The following ASXL1 variants were observed in gnomAD, a reference collection of about 807,000 sequenced individuals.
ASXL1 encodes the protein ASXL transcriptional regulator 1.
Under a neutral mutation model 89.1 loss-of-function variants are expected in ASXL1, and 65 were observed. The observed-to-expected ratio is 0.73, with a 90% CI of 0.60 to 0.90. The LOEUF (loss-of-function observed/expected upper bound fraction) is 0.90. ASXL1 is among the 40% of genes least tolerant of loss of function. ASXL1 has a pLI of 0.00. For missense variants in ASXL1, 1,786 were observed against 1,942.9 expected, an observed-to-expected ratio of 0.92 and a Z score of 1.52; for synonymous variants, 739 against 746.9, an observed-to-expected ratio of 0.99 and a Z score of 0.17.
intron 4 of ASXL1, among the ~76,000 whole-genome samples, chr20:32,396,914 C>T (rs1165717207): frequency 6.6e-6 from 1 of 151,680 alleles, no homozygotes; most frequent in Non-Finnish European, 1.5e-5. Flanking sequence ...CTTCCCTGGG[C>T]CACATTAGAA....
rs917047984 is a variant in ASXL1, at chr20:32,433,488, A to T, written c.1290A>T (p.Ser430=). The T allele has an allele frequency of 6.2e-7, 1 of 1,614,208 alleles. No homozygotes were observed. The highest frequency in any genetic ancestry group is 8.5e-7 in the Non-Finnish European group (1 of 1,180,048). The change falls in exon 12 of 13, where the codon TCA becomes TCT. Residue 430 remains serine (S), a synonymous_variant. Transcript: ENST00000375687. ...ARRNLYKKQE[S]EQAGVAKDAK... ...GGAATCTGTACAAAAAACAGGAGTC[A>T]GAACAAGCAGGGGTTGCTAAGGATG...
At chr20:32,377,120 AT>A (rs1432760121) in intron 4 of ASXL1, among the ~76,000 whole-genome samples, 6 of 105,468 alleles carry the variant, frequency 5.7e-5, no homozygotes, top group East Asian at 4.7e-4. Context: ...ATTAATAGAT[AT>A]ATTAATATAA....
At chr20:32,428,720 G>GCAT in intron 6 of ASXL1, 1 of 336,592 alleles carries the variant, frequency 3.0e-6, no homozygotes. Flanking sequence ...GAGTGCAGTG[G>GCAT]CATGATCTCC....
At chr20:32,359,482 G>C (rs945692733) in intron 1 of ASXL1, 9 of 668,692 alleles carry the variant, frequency 1.3e-5, no homozygotes, top group Non-Finnish European at 2.4e-5. Flanking sequence ...TCAGGGTCTG[G>C]GATAGAGCCT....
At chr20:32,408,258 C>T (rs1391896805) in intron 4 of ASXL1, among the ~76,000 whole-genome samples, 1 of 152,006 alleles carries the variant, frequency 6.6e-6, no homozygotes, top group African/African-American at 2.4e-5. Flanking sequence ...ATGTACGGTT[C>T]GAGGTAGTCA....
At position 32,417,112 on chromosome 20, in the gene ASXL1, G is replaced by A. The variant is rs78501101; in HGVS notation, c.253-11016G>A. Among the ~76,000 whole-genome samples the A allele has an allele frequency of 9.3e-3, 1,410 of 152,196 alleles. 59 individuals carry two copies. The highest frequency in any genetic ancestry group is 0.073 in the Admixed American group (1,114 of 15,282). On this transcript the variant is annotated intron_variant, in intron 4 of 12. Coordinates refer to ENST00000375687, the MANE Select transcript of ASXL1 (RefSeq NM_015338.6). ...TTGACAGGTCTAGGTTAGCTTATTT[G>A]TTTCACTTGGTCTTTGTCTACATTT...
At chr20:32,411,773 A>T (rs2049053151) in intron 4 of ASXL1, among the ~76,000 whole-genome samples, 2 of 152,030 alleles carry the variant, frequency 1.3e-5, no homozygotes, top group Admixed American at 1.3e-4. Flanking sequence ...CCTGACCTCA[A>T]GTTATCCACC....
intron 4 of ASXL1, among the ~76,000 whole-genome samples, chr20:32,394,541 G>A (rs2048729199): frequency 6.6e-6 from 1 of 152,166 alleles, no homozygotes; most frequent in Non-Finnish European, 1.5e-5. Flanking sequence ...TTCAGCTTGT[G>A]AAACTCAGTC....
Position 32,435,752 on chromosome 20 carries a change from A to C in ASXL1, c.3040A>C (p.Ser1014Arg), listed in dbSNP as rs1358222587. The change falls in exon 13 of 13, where the codon AGT (serine) becomes CGT (arginine). Residue 1014 changes from serine (S) to arginine (R), a missense_variant. By Grantham distance (110) the Ser-to-Arg change is moderately radical (BLOSUM62 -1). Coordinates refer to ENST00000375687, the MANE Select transcript of ASXL1 (RefSeq NM_015338.6). ...TGAAGGTCACCTCACGGAGGACAGC[A>C]GTGAGGCTGACACTAGAGAAGCTGC... ...DFEGHLTEDS[S>R]EADTREAAVT... is the part of the protein sequence containing the mutation. 1 of 1,614,132 alleles carries C rather than the reference A, an allele frequency of 6.2e-7. No individual in the cohort carries two copies. The highest frequency in any genetic ancestry group is 8.5e-7 in the Non-Finnish European group (1 of 1,180,056).
chr20:32,406,171 A>G (rs1353499277), intron 4 of ASXL1, among the ~76,000 whole-genome samples: 2 of 152,176 alleles, frequency 1.3e-5, no homozygotes, highest in Non-Finnish European at 2.9e-5. Flanking sequence ...GTTGAAAACT[A>G]TGAGCTTACC....
In ASXL1 at chr20:32,367,601, A is replaced by G. The variant is rs2048227578; in HGVS notation, c.141-126A>G. Reference sequence around the variant, plus strand: ...TGGGGAGGGAAGATTGAGATTGTCTACATCACATTTATTTGACTTGTACTT... The same window carrying G: ...TGGGGAGGGAAGATTGAGATTGTCTGCATCACATTTATTTGACTTGTACTT... On this transcript the variant is annotated intron_variant, in intron 2 of 12. Coordinates refer to ENST00000375687, the MANE Select transcript of ASXL1 (RefSeq NM_015338.6). 4 of 729,254 alleles carry G rather than the reference A, an allele frequency of 5.5e-6. No individual in the cohort carries two copies. In the Admixed American group the frequency reaches 5.7e-5, roughly 10 times the overall value. The allele number at this position is 729,254 out of a possible 1,614,324, so 45.2% of individuals were successfully genotyped here. A position where few individuals can be genotyped will look rare whatever the true frequency, so the allele number is the denominator to read the frequency against.
chr20:32,389,220 G>A (rs552747065), intron 4 of ASXL1, among the ~76,000 whole-genome samples: 1 of 152,238 alleles, frequency 6.6e-6, no homozygotes, highest in South Asian at 2.1e-4. Flanking sequence ...TCATACTGGT[G>A]GATGTATTTT....
At chr20:32,395,634 C>A (rs2048748853) in intron 4 of ASXL1, among the ~76,000 whole-genome samples, 1 of 152,096 alleles carries the variant, frequency 6.6e-6, no homozygotes, top group Non-Finnish European at 1.5e-5. Context: ...TATTTGGCTG[C>A]TTGAAGTAGT....
chr20:32,376,880 T>A lies in ASXL1; in HGVS notation c.252+7757T>A, dbSNP rs148458627. On this transcript the variant is annotated intron_variant, in intron 4 of 12. Coordinates refer to ENST00000375687, the MANE Select transcript of ASXL1 (RefSeq NM_015338.6). The stretch of plus-strand genomic sequence containing the variant: ...AATATATAATTATATGTTATATATT[T>A]TATATTTATAAAATAAAAATAAAAA... Among the ~76,000 whole-genome samples, 1,753 of 145,058 alleles carry A rather than the reference T, an allele frequency of 0.012. 94 individuals carry two copies. In the East Asian group the frequency reaches 0.17, roughly 14 times the overall value.
rs1317379326 is a variant in ASXL1 at position 32,437,173 on chromosome 20, A to T, written c.4461A>T (p.Ser1487=). Residue 1487 remains serine (S), a synonymous_variant, in exon 13 of 13, where the codon TCA becomes TCT. Transcript: ENST00000375687. ...KANFGASHSA[S]LSLQMFTDSS... ...ACTTTGGTGCGAGCCACAGTGCATC[A>T]CTTTCCTTGCAAATGTTCACTGACA... 6.2e-7 allele frequency: 1 copy of T among 1,613,840 alleles called. No homozygotes were observed.
At chr20:32,395,127 G>C (rs2048739859) in intron 4 of ASXL1, among the ~76,000 whole-genome samples, 1 of 152,188 alleles carries the variant, frequency 6.6e-6, no homozygotes, top group African/African-American at 2.4e-5. Context: ...ATTTTCTTCA[G>C]TTTTTTCTCG....
chr20:32,420,105 G>T (rs957445635), intron 4 of ASXL1, among the ~76,000 whole-genome samples: 1 of 150,838 alleles, frequency 6.6e-6, no homozygotes, highest in African/African-American at 2.4e-5. Context: ...CTAGGTCTGA[G>T]TCTCTTGGAT....
At chr20:32,405,272 G>A (rs2048936767) in intron 4 of ASXL1, among the ~76,000 whole-genome samples, 1 of 152,014 alleles carries the variant, frequency 6.6e-6, no homozygotes, top group African/African-American at 2.4e-5. Context: ...ACCATGCCTG[G>A]CTAATTTTTT....
chr20:32,397,854 T>C (rs1226502280), intron 4 of ASXL1, among the ~76,000 whole-genome samples: 6 of 152,240 alleles, frequency 3.9e-5, no homozygotes, highest in African/African-American at 9.6e-5. Context: ...TTAAAAGTTA[T>C]AGGCCAAGTG....
Sources: allele counts gnomAD v4.1 joint callset (sites outside exome capture counted in the v4.1 genomes callset), GRCh38; gene constraint gnomAD v4.1.1; transcripts MANE v1.5; gene names NCBI Gene and HGNC (gene_info 2026-07-23, HGNC 2026-07-21).